Variants in KIAA2012 observed in about 807,000 individuals in gnomAD.
KIAA2012 encodes uncharacterized protein KIAA2012.
In KIAA2012, 125 loss-of-function variants were observed where a neutral mutation model predicts 150.6. The observed-to-expected ratio is 0.83, with a 90% confidence interval of 0.72 to 0.96. The LOEUF (loss-of-function observed/expected upper bound fraction) is 0.96. Among genes scored for constraint, KIAA2012 ranks in the 40% least tolerant of loss-of-function variants. KIAA2012 has a pLI of 0.00. For synonymous variants in KIAA2012, 462 were observed against 504.7 expected (o/e 0.92, Z 1.13); for missense variants, 1,219 against 1,354.9 (o/e 0.90, Z 1.57).
intron 14 of KIAA2012, among the ~76,000 whole-genome samples, chr2:202,164,383 A>G (rs905453925): frequency 6.6e-6 from 1 of 152,230 alleles, no homozygotes; most frequent in African/African-American, 2.4e-5. Flanking sequence ...ATTTGGAGTT[A>G]GGACCTGGGA....
chr2:202,115,788 G>A (rs1225455849), intron 11 of KIAA2012: 2 of 150,330 alleles, frequency 1.3e-5, no homozygotes, highest in East Asian at 2.0e-4. Context: ...GAAGGAATAC[G>A]ATCCATCTGA....
chr2:202,194,434 G>A, intron 21 of KIAA2012, 72 bp downstream of exon 21: 1 of 1,494,666 alleles, frequency 6.7e-7, no homozygotes, highest in Non-Finnish European at 9.0e-7. Flanking sequence ...AGCTGTGAGT[G>A]TTCATTTATT....
At chr2:202,123,190 G>A (rs989404685) in intron 11 of KIAA2012, among the ~76,000 whole-genome samples, 2 of 152,128 alleles carry the variant, frequency 1.3e-5, no homozygotes, top group East Asian at 1.9e-4. Flanking sequence ...GGGCGGTGGC[G>A]GTGACAGACG....
chr2:202,126,162 C>G (rs1333522636), intron 12 of KIAA2012, among the ~76,000 whole-genome samples: 2 of 151,798 alleles, frequency 1.3e-5, no homozygotes, highest in African/African-American at 4.8e-5. Flanking sequence ...ACCATATTGG[C>G]CAGGCTGGTC....
At chr2:202,169,760 G>A (rs1691847638) in intron 15 of KIAA2012, among the ~76,000 whole-genome samples, 1 of 152,206 alleles carries the variant, frequency 6.6e-6, no homozygotes, top group South Asian at 2.1e-4. Flanking sequence ...GCCCACTGAT[G>A]TCTGGGAAAC....
chr2:202,073,990 C>T (rs1011474755), intron 1 of KIAA2012, among the ~76,000 whole-genome samples: 1 of 151,716 alleles, frequency 6.6e-6, no homozygotes, highest in African/African-American at 2.4e-5. Flanking sequence ...TGGTTTGGTG[C>T]AAGACCAGAA....
chr2:202,090,695 T>C, intron 2 of KIAA2012, 75 bp from the exon 3 acceptor site: 1 of 1,411,380 alleles, frequency 7.1e-7, no homozygotes, highest in South Asian at 1.7e-5. Flanking sequence ...TGATGAAGAT[T>C]GTGCTAACCA....
intron 12 of KIAA2012, among the ~76,000 whole-genome samples, chr2:202,131,908 G>A (rs1690939543): frequency 6.6e-6 from 1 of 152,168 alleles, no homozygotes; most frequent in Non-Finnish European, 1.5e-5. Flanking sequence ...TGGTGCGGTG[G>A]CTCATGCCTG....
intron 2 of KIAA2012, among the ~76,000 whole-genome samples, chr2:202,088,928 G>A (rs1378172456): frequency 1.3e-5 from 2 of 152,174 alleles, no homozygotes; most frequent in Admixed American, 6.5e-5. Flanking sequence ...GCTCACGCAA[G>A]ATCACAAAGT....
intron 13 of KIAA2012, among the ~76,000 whole-genome samples, chr2:202,138,996 C>T (rs984813919): frequency 2.6e-5 from 4 of 151,988 alleles, no homozygotes; most frequent in Non-Finnish European, 4.4e-5. Context: ...CAGCACTTTG[C>T]GAGGCTGAGG....
intron 15 of KIAA2012, among the ~76,000 whole-genome samples, chr2:202,172,425 C>T (rs1691912379): frequency 6.6e-6 from 1 of 152,190 alleles, no homozygotes; most frequent in African/African-American, 2.4e-5. Flanking sequence ...GAAATTATGG[C>T]AGTATGTTTT....
intron 12 of KIAA2012, chr2:202,136,075 A>G: frequency 2.5e-6 from 1 of 402,674 alleles, no homozygotes; most frequent in African/African-American, 2.1e-5. Context: ...CGCTGACTTC[A>G]AGAATGAAGC....
intron 22 of KIAA2012, chr2:202,201,486 G>A (rs1383678832): frequency 1.2e-6 from 2 of 1,601,790 alleles, no homozygotes; most frequent in East Asian, 4.5e-5. Flanking sequence ...AGCAGCACTG[G>A]GAGGGCATCC....
chr2:202,091,315 C>G (rs1277173294), intron 3 of KIAA2012, among the ~76,000 whole-genome samples: 1 of 152,208 alleles, frequency 6.6e-6, no homozygotes, highest in Non-Finnish European at 1.5e-5. Context: ...ATCATTCAGT[C>G]AAAAGCAGAG....
chr2:202,144,711 G>T (rs1691263090), intron 13 of KIAA2012, among the ~76,000 whole-genome samples: 1 of 152,056 alleles, frequency 6.6e-6, no homozygotes, highest in South Asian at 2.1e-4. Context: ...AAATCAACAG[G>T]CCGGGCACAG....
intron 22 of KIAA2012, among the ~76,000 whole-genome samples, chr2:202,202,212 CCT>C (rs529030263): frequency 5.3e-4 from 81 of 152,132 alleles, no homozygotes; most frequent in Non-Finnish European, 6.2e-4. Flanking sequence ...GTGAATTATG[CCT>C]CTCTTTTTAC....
chr2:202,163,970 G>A (rs1375632588), intron 14 of KIAA2012, among the ~76,000 whole-genome samples: 1 of 152,030 alleles, frequency 6.6e-6, no homozygotes, highest in Non-Finnish European at 1.5e-5. Flanking sequence ...CACCAAGTGA[G>A]GGAAGTCAGA....
rs1281926754 is a variant in KIAA2012 at position 202,097,494 on chromosome 2, CT to C, written c.746del (p.Leu249GlnfsTer32). ...GAAGHVDQGP[L>X]AKNHGSQGTR... ...TGCTGGACACGTGGACCAGGGCCCT[CT>C]AGCCAAGAACCATGGCAGTCAGGGG... is the stretch of plus-strand genomic sequence containing the variant. On this transcript the variant is annotated frameshift_variant, in exon 5 of 24. Transcript: ENST00000498697. LOFTEE classifies it high-confidence loss of function. The C allele has an allele frequency of 3.3e-5, 51 of 1,550,322 alleles. No individual in the cohort carries two copies. Among genetic ancestry groups the C allele is most frequent in the Non-Finnish European group, 4.4e-5 (51 of 1,146,966 alleles).
intron 4 of KIAA2012, among the ~76,000 whole-genome samples, chr2:202,095,332 G>A (rs745744330): frequency 6.6e-6 from 1 of 152,178 alleles, no homozygotes; most frequent in Non-Finnish European, 1.5e-5. Context: ...TGAAGAAGTA[G>A]CAAAAGTCCC....
Sources: gnomAD v4.1 joint callset for allele counts (sites outside exome capture counted in the v4.1 genomes callset) on GRCh38, gnomAD v4.1.1 for gene constraint, MANE v1.5 for transcripts, NCBI Gene and HGNC (gene_info 2026-07-23, HGNC 2026-07-21) for gene names.